Variants in CALY observed in about 807,000 individuals in gnomAD.
The protein encoded by CALY is calcyon neuron specific vesicular protein, also known as neuron-specific vesicular protein calcyon.
In CALY, 15 loss-of-function variants were observed where a neutral mutation model predicts 20.2. The observed-to-expected ratio is 0.74, with a 90% confidence interval of 0.50 to 1.14. CALY has a LOEUF of 1.14. CALY is among the 50% of genes most tolerant of loss of function. The probability of loss-of-function intolerance (pLI) is 0.00; values close to 1 mark genes in which losing one functional copy is unlikely to be tolerated. For synonymous variants in CALY, 129 were observed against 131.8 expected (o/e 0.98, Z 0.15); for missense variants, 270 against 304.4 (o/e 0.89, Z 0.84).
At chr10:133,336,243 T>C (rs1490410059) in intron 1 of CALY, among the ~76,000 whole-genome samples, 1 of 151,962 alleles carries the variant, frequency 6.6e-6, no homozygotes, top group Non-Finnish European at 1.5e-5. Context: ...CTGCTCCCGC[T>C]TCCAGCCCAG....
chr10:133,330,519 G>A (rs1276548047), intron 1 of CALY, among the ~76,000 whole-genome samples: 1 of 145,254 alleles, frequency 6.9e-6, no homozygotes, highest in South Asian at 2.3e-4. Context: ...TTAGCCGGGC[G>A]CGGTGGCGGG....
At chr10:133,334,645 G>A (rs1848397688) in intron 1 of CALY, among the ~76,000 whole-genome samples, 1 of 151,646 alleles carries the variant, frequency 6.6e-6, no homozygotes, top group South Asian at 2.1e-4. Flanking sequence ...GGAAGGATTT[G>A]GAGGTGGCAG....
rs745650742 is a variant in CALY at position 133,326,052 on chromosome 10, G to A, written c.429C>T (p.Ser143=). Residue 143 remains serine (S), a synonymous_variant, in exon 5 of 6, where the codon AGC becomes AGT. Transcript: ENST00000252939. ...GGTAGGCCCCGATGGCCGCCAGGAT[G>A]CTGCGGTGGCGCTCGGGGTCCATCT... ...YTEMDPERHR[S]ILAAIGAYPL... 1 of 1,597,506 alleles carries A rather than the reference G, an allele frequency of 6.3e-7. No individual in the cohort carries two copies. The highest frequency in any genetic ancestry group is 8.5e-7 in the Non-Finnish European group (1 of 1,171,648).
At chr10:133,330,222 C>T (rs1848279974) in intron 1 of CALY, among the ~76,000 whole-genome samples, 1 of 152,080 alleles carries the variant, frequency 6.6e-6, no homozygotes, top group Admixed American at 6.5e-5. Flanking sequence ...GGTGCTATGG[C>T]GGCGCCTGTG....
intron 3 of CALY, 105 bp downstream of exon 3, chr10:133,327,800 A>G: frequency 1.3e-6 from 1 of 779,130 alleles, no homozygotes; most frequent in Non-Finnish European, 2.3e-6. Flanking sequence ...CCCTGAGAGC[A>G]AGGGGACCCC....
At position 133,326,176 on chromosome 10, in the gene CALY, G is replaced by A. The variant is rs957005867; in HGVS notation, c.361-56C>T. The A allele has an allele frequency of 3.8e-6, 6 of 1,570,400 alleles. No homozygotes were observed. The African/African-American group carries it at 6.8e-5, about 18-fold the overall frequency. On this transcript the variant is annotated intron_variant, in intron 4 of 5. Coordinates refer to ENST00000252939, the MANE Select transcript of CALY (RefSeq NM_015722.4). ...GGCTGAGCCCTCCTGTGCGCCCCGG[G>A]CCCAGGCCCTCCCGCTTCTGCGGTT...
Position 133,328,846 on chromosome 10 carries a change from G to A in CALY, c.135+9C>T, listed in dbSNP as rs2133378338. 1 of 1,545,794 alleles carries A rather than the reference G, an allele frequency of 6.5e-7. No individual in the cohort carries two copies. The highest frequency in any genetic ancestry group is 8.7e-7 in the Non-Finnish European group (1 of 1,145,940). On this transcript the variant is annotated intron_variant, in intron 2 of 5. Transcript: ENST00000252939. ...TGAGAAGGGCCCCCACGCTGGCCCA[G>A]GCCCTCACCTGGTCAGGGAGTGGCG... is the stretch of plus-strand genomic sequence containing the variant.
chr10:133,329,376 C>CCTTCTT lies in CALY; in HGVS notation c.-20-373_-20-368dup, dbSNP rs148539604. 1.5e-3 allele frequency among the ~76,000 whole-genome samples: 218 copies of CCTTCTT among 142,642 alleles called. 6 individuals carry two copies. Among genetic ancestry groups the CCTTCTT allele is most frequent in the African/African-American group, 3.0e-3 (113 of 37,752 alleles). The allele number at this position is 142,642 out of a possible 152,430, so 93.6% of individuals were successfully genotyped here. On this transcript the variant is annotated intron_variant, in intron 1 of 5. Transcript: ENST00000252939. Reference sequence around the variant, plus strand: ...TAGACAACCTCCTCTTTCTTATTCTCCTTCTTCTTCTTCTTCTTTTTTTTT... The same window carrying CCTTCTT: ...TAGACAACCTCCTCTTTCTTATTCTCCTTCTTCTTCTTCTTCTTCTTCTTTTTTTTT...
At chr10:133,331,056 G>A (rs533321098) in intron 1 of CALY, among the ~76,000 whole-genome samples, 223 of 152,334 alleles carry the variant, frequency 1.5e-3, no homozygotes, top group Admixed American at 2.3e-3. Flanking sequence ...ATGAAAAAGC[G>A]TTATCTGATC....
chr10:133,327,241 A>G (rs938115646), intron 3 of CALY, among the ~76,000 whole-genome samples: 1 of 152,206 alleles, frequency 6.6e-6, no homozygotes, highest in Non-Finnish European at 1.5e-5. Context: ...AGGTAAAGTG[A>G]TGTGGCCTTT....
chr10:133,329,392 C>CTTTTTTTTTTTTTTTTTTTTTT (rs112012967), intron 1 of CALY, among the ~76,000 whole-genome samples: 11 of 137,452 alleles, frequency 8.0e-5, no homozygotes, highest in African/African-American at 2.9e-4. Context: ...TCTTCTTCTT[C>CTTTTTTTTTTTTTTTTTTTTTT]TTTTTTTTTT....
chr10:133,332,215 T>C (rs922008343), intron 1 of CALY, among the ~76,000 whole-genome samples: 5 of 151,998 alleles, frequency 3.3e-5, no homozygotes, highest in African/African-American at 4.8e-5. Context: ...GGTGTGGGGC[T>C]ACTGCGTGGT....
At chr10:133,325,605 G>A (rs1228051604) in intron 5 of CALY, 39 bp from the exon 6 acceptor site, 3 of 300,956 alleles carry the variant, frequency 1.0e-5, no homozygotes, top group African/African-American at 4.4e-5. Context: ...GCGGCGACGC[G>A]GCCAGGGGCT....
intron 2 of CALY, among the ~76,000 whole-genome samples, chr10:133,328,546 G>A (rs536440109): frequency 3.7e-4 from 56 of 152,354 alleles, no homozygotes; most frequent in Admixed American, 2.3e-3. Flanking sequence ...GCCATGCCCC[G>A]AGGGGAAGGG....
intron 4 of CALY, 147 bp downstream of exon 4, chr10:133,326,731 C>T (rs1848219058): frequency 5.0e-6 from 3 of 603,960 alleles, no homozygotes; most frequent in Non-Finnish European, 9.1e-6. Flanking sequence ...TCAAAAGATA[C>T]GATCTCATGT....
intron 1 of CALY, among the ~76,000 whole-genome samples, chr10:133,330,643 G>C (rs1191324009): frequency 3.3e-5 from 3 of 90,230 alleles, no homozygotes; most frequent in African/African-American, 1.2e-4. Flanking sequence ...GGGTGACAGA[G>C]AGAGACTCCG....
Position 133,326,920 on chromosome 10 carries a change from G to C in CALY, c.318C>G (p.Ile106Met). ...LGCVLIMYKA[I>M]WYDQFTCPDG... ...CGGGGCAGGTGAACTGGTCGTACCAGATGGCCTTGTACATGATCAGCACGC... is the reference window on the plus strand; with the variant it reads ...CGGGGCAGGTGAACTGGTCGTACCACATGGCCTTGTACATGATCAGCACGC... Residue 106 changes from isoleucine to methionine, a missense_variant, in exon 4 of 6, where the codon ATC (isoleucine) becomes ATG (methionine). Ile to Met is a conservative substitution (Grantham distance 10). Coordinates refer to ENST00000252939, the MANE Select transcript of CALY (RefSeq NM_015722.4). 1 of 1,611,112 alleles carries C rather than the reference G, an allele frequency of 6.2e-7. No individual in the cohort carries two copies. Among genetic ancestry groups the C allele is most frequent in the Non-Finnish European group, 8.5e-7 (1 of 1,179,436 alleles).
intron 1 of CALY, among the ~76,000 whole-genome samples, chr10:133,334,894 C>T (rs926609929): frequency 1.3e-5 from 2 of 152,104 alleles, no homozygotes; most frequent in African/African-American, 4.8e-5. Flanking sequence ...TGGAAGAGGC[C>T]GTGCGGTGTC....
intron 1 of CALY, among the ~76,000 whole-genome samples, chr10:133,330,595 T>C (rs1848289202): frequency 7.6e-6 from 1 of 132,296 alleles, no homozygotes; most frequent in South Asian, 2.5e-4. Context: ...GAGGCGGAGC[T>C]TGCAGTGAGC....
Sources: allele counts gnomAD v4.1 joint callset (sites outside exome capture counted in the v4.1 genomes callset), GRCh38; gene constraint gnomAD v4.1.1; transcripts MANE v1.5; gene names NCBI Gene and HGNC (gene_info 2026-07-23, HGNC 2026-07-21).